Variants in PGCKA1 observed in about 807,000 individuals in gnomAD.
PGCKA1 encodes PDCD10 and GCKIII kinases-associated protein 1.
the PGCKA1 span, among the ~76,000 whole-genome samples, chr4:37,482,717 A>G: frequency 6.6e-6 from 1 of 152,146 alleles, no homozygotes; most frequent in African/African-American, 2.4e-5. Flanking sequence ...AGCCCCTCCC[A>G]TCATAGGCCT....
the PGCKA1 span, among the ~76,000 whole-genome samples, chr4:37,503,853 A>AATC: frequency 1.3e-5 from 2 of 152,128 alleles, no homozygotes; most frequent in Admixed American, 1.3e-4. Flanking sequence ...TCTGGTTATT[A>AATC]ATCCCTTGCC....
At chr4:37,460,924 G>T in the PGCKA1 span, 1 of 393,154 alleles carries the variant, frequency 2.5e-6, no homozygotes. Context: ...CCTATGTCCT[G>T]AGTGGTATTG....
the PGCKA1 span, among the ~76,000 whole-genome samples, chr4:37,512,409 G>A: frequency 1.3e-5 from 2 of 148,850 alleles, no homozygotes; most frequent in South Asian, 4.3e-4. Context: ...ATTTCCAAAT[G>A]TTTCCTGTGA....
the PGCKA1 span, among the ~76,000 whole-genome samples, chr4:37,586,105 T>C: frequency 6.6e-6 from 1 of 151,958 alleles, no homozygotes; most frequent in Admixed American, 6.6e-5. Context: ...TCTATGTTTA[T>C]TATGAATGTT....
the PGCKA1 span, among the ~76,000 whole-genome samples, chr4:37,540,447 A>G: frequency 6.6e-6 from 1 of 152,214 alleles, no homozygotes; most frequent in Non-Finnish European, 1.5e-5. Context: ...TATCCCGAAT[A>G]TGATTGTGCT....
the PGCKA1 span, among the ~76,000 whole-genome samples, chr4:37,526,592 A>G: frequency 0.082 from 12,459 of 152,280 alleles, 654 homozygotes; most frequent in Middle Eastern, 0.14. Context: ...TTGGTCAGCT[A>G]TGGACTGTAT....
the PGCKA1 span, among the ~76,000 whole-genome samples, chr4:37,520,667 G>T: frequency 2.0e-5 from 3 of 152,102 alleles, no homozygotes; most frequent in African/African-American, 7.2e-5. Context: ...GCCCAGGCTG[G>T]AGTGCAATGG....
At chr4:37,590,905 G>T in the PGCKA1 span, 1 of 1,614,238 alleles carries the variant, frequency 6.2e-7, no homozygotes, top group African/African-American at 1.3e-5. Context: ...TGGAGATGGG[G>T]ATGGGGAGAT....
chr4:37,476,941 C>G, the PGCKA1 span, among the ~76,000 whole-genome samples: 1 of 152,132 alleles, frequency 6.6e-6, no homozygotes, highest in African/African-American at 2.4e-5. Context: ...CCTTAATACA[C>G]TGCTGGTGGG....
At chr4:37,562,431 C>T in the PGCKA1 span, among the ~76,000 whole-genome samples, 4 of 152,140 alleles carry the variant, frequency 2.6e-5, no homozygotes, top group Admixed American at 2.0e-4. Flanking sequence ...TGATAATGAT[C>T]CAGATTCATG....
At chr4:37,590,013 G>T in the PGCKA1 span, 3 of 1,045,534 alleles carry the variant, frequency 2.9e-6, no homozygotes, top group South Asian at 4.7e-5. Context: ...AGGAATCGTA[G>T]AAAGAAGCAG....
At chr4:37,558,521 G>C in the PGCKA1 span, among the ~76,000 whole-genome samples, 234 of 152,092 alleles carry the variant, frequency 1.5e-3, no homozygotes, top group African/African-American at 5.2e-3. Context: ...TACCATTCAG[G>C]ACATAGGTAT....
At chr4:37,455,169 TAG>T in the PGCKA1 span, among the ~76,000 whole-genome samples, 1 of 152,142 alleles carries the variant, frequency 6.6e-6, no homozygotes, top group African/African-American at 2.4e-5. Flanking sequence ...TTAAACATAA[TAG>T]AGTCTATATT....
At chr4:37,593,489 G>T in the PGCKA1 span, among the ~76,000 whole-genome samples, 1 of 151,940 alleles carries the variant, frequency 6.6e-6, no homozygotes, top group Non-Finnish European at 1.5e-5. Flanking sequence ...GTTGGAAAAA[G>T]AATAAAGGAA....
the PGCKA1 span, among the ~76,000 whole-genome samples, chr4:37,570,043 C>G: frequency 2.7e-5 from 4 of 149,220 alleles, no homozygotes; most frequent in Admixed American, 6.8e-5. Flanking sequence ...ACAGTGGCGC[C>G]ATCTCGGCTC....
At chr4:37,561,304 C>T in the PGCKA1 span, among the ~76,000 whole-genome samples, 1 of 152,162 alleles carries the variant, frequency 6.6e-6, no homozygotes, top group Non-Finnish European at 1.5e-5. Flanking sequence ...GCAGGCAACT[C>T]GCAAGCCCCA....
At chr4:37,510,136 T>C in the PGCKA1 span, among the ~76,000 whole-genome samples, 12 of 152,220 alleles carry the variant, frequency 7.9e-5, no homozygotes, top group African/African-American at 2.9e-4. Context: ...TTGAATTTCT[T>C]TGAGTTTCCT....
chr4:37,498,040 G>A, the PGCKA1 span, among the ~76,000 whole-genome samples: 2 of 152,000 alleles, frequency 1.3e-5, no homozygotes, highest in African/African-American at 4.8e-5. Context: ...ATAGTTTCAG[G>A]TCTTAGGTTT....
the PGCKA1 span, among the ~76,000 whole-genome samples, chr4:37,538,508 C>T: frequency 1.3e-5 from 2 of 152,224 alleles, no homozygotes; most frequent in Non-Finnish European, 2.9e-5. Flanking sequence ...AGAGCTTGTG[C>T]TGCAAAGAGA....
Sources: allele counts gnomAD v4.1 joint callset (sites outside exome capture counted in the v4.1 genomes callset), GRCh38; gene constraint gnomAD v4.1.1; transcripts MANE v1.5; gene names NCBI Gene and HGNC (gene_info 2026-07-23, HGNC 2026-07-21).